The following CLASP1 variants were observed in gnomAD, a reference collection of about 807,000 sequenced individuals.
The protein encoded by CLASP1 is cytoplasmic linker associated protein 1, also known as CLIP-associating protein 1.
Under a neutral mutation model 192.3 loss-of-function variants are expected in CLASP1, and 38 were observed. The observed-to-expected ratio is 0.20, with a 90% CI of 0.15 to 0.26. The LOEUF (loss-of-function observed/expected upper bound fraction) is 0.26. Among genes scored for constraint, CLASP1 ranks in the 10% least tolerant of loss-of-function variants. The pLI is 1.00. For missense variants in CLASP1, 1,433 were observed against 1,932.5 expected (o/e 0.74, Z 4.85); for synonymous variants, 691 against 712.8 (o/e 0.97, Z 0.49).
At chr2:121,531,064 C>CTAG (rs755601859) in intron 2 of CLASP1, 9 of 693,560 alleles carry the variant, frequency 1.3e-5, no homozygotes, top group Non-Finnish European at 2.4e-5. Context: ...CGTAAATAAA[C>CTAG]TAGTACTTTG....
chr2:121,582,765 T>TTTTC (rs140976857), intron 2 of CLASP1, among the ~76,000 whole-genome samples: 1 of 151,640 alleles, frequency 6.6e-6, no homozygotes, highest in African/African-American at 2.4e-5. Flanking sequence ...GGTGTTTTTC[T>TTTTC]TTTCTTTCTT....
intron 2 of CLASP1, among the ~76,000 whole-genome samples, chr2:121,559,584 A>C (rs2058892404): frequency 6.6e-6 from 1 of 152,210 alleles, no homozygotes; most frequent in Non-Finnish European, 1.5e-5. Flanking sequence ...TCAGATACCA[A>C]AGACCACATA....
At chr2:121,451,846 G>C in exon 15 of CLASP1, 2 of 1,562,292 alleles carry the variant, frequency 1.3e-6, no homozygotes, top group Non-Finnish European at 1.7e-6. Context: ...ATTCAAAACA[G>C]CGCCTAAAAA....
intron 19 of CLASP1, among the ~76,000 whole-genome samples, chr2:121,434,780 A>G (rs534737387): frequency 6.6e-6 from 1 of 152,152 alleles, no homozygotes; most frequent in East Asian, 1.9e-4. Flanking sequence ...ACTTGAGGCT[A>G]GGAGTTAGAG....
intron 2 of CLASP1, among the ~76,000 whole-genome samples, chr2:121,531,534 T>G (rs966534019): frequency 7.0e-6 from 1 of 142,896 alleles, no homozygotes; most frequent in African/African-American, 2.7e-5. Context: ...GGGTGGAGCC[T>G]GCAGTGAGCA....
At chr2:121,494,702 T>C (rs1234405697) in intron 8 of CLASP1, among the ~76,000 whole-genome samples, 2 of 152,164 alleles carry the variant, frequency 1.3e-5, no homozygotes, top group Non-Finnish European at 2.9e-5. Flanking sequence ...CCCATAAATA[T>C]ATACAACTGA....
At chr2:121,543,490 T>G (rs2095271682) in intron 2 of CLASP1, among the ~76,000 whole-genome samples, 1 of 152,076 alleles carries the variant, frequency 6.6e-6, no homozygotes, top group Non-Finnish European at 1.5e-5. Context: ...GATCTAAGTT[T>G]CCCATATGGA....
rs975064202 is a variant in CLASP1, at chr2:121,447,083, A to C, written c.1912+254T>G. 3.9e-5 allele frequency among the ~76,000 whole-genome samples: 6 copies of C among 152,194 alleles called. No individual in the cohort carries two copies. In the South Asian group the frequency reaches 1.2e-3, roughly 31 times the overall value. ...GAAGAGTTGAGGAAAGGACGTGCTC[A>C]GTGCCACACACCCTCCGAGCATGAG... On this transcript the variant is annotated intron_variant, in intron 19 of 39. Transcript: ENST00000263710.
rs143049595 is a variant in CLASP1 at position 121,526,635 on chromosome 2, G to A, written c.471-715C>T. Among the ~76,000 whole-genome samples the A allele has an allele frequency of 4.4e-4, 66 of 151,564 alleles. No individual in the cohort carries two copies. In the East Asian group the frequency reaches 8.3e-3, roughly 19 times the overall value. ...ACTGAAAAGGCTAACATATTAAGATGGAAAAAATTTACAAGTAATATAAAC... is the reference window on the plus strand; with the variant it reads ...ACTGAAAAGGCTAACATATTAAGATAGAAAAAATTTACAAGTAATATAAAC... On this transcript the variant is annotated intron_variant, in intron 5 of 39. Transcript: ENST00000263710.
chr2:121,522,514 C>T lies in CLASP1; in HGVS notation c.546+3331G>A, dbSNP rs866434204. On this transcript the variant is annotated intron_variant, in intron 6 of 39. Transcript: ENST00000263710. ...TTAATGAAACATTTTAGACAAGTCT[C>T]ACATTTTCTATCTTATTTTAAAAAA... Among the ~76,000 whole-genome samples, 11 of 152,312 alleles carry T rather than the reference C, an allele frequency of 7.2e-5. No individual in the cohort carries two copies. The South Asian group carries it at 1.2e-3, about 17-fold the overall frequency.
chr2:121,637,815 G>A (rs185140117), intron 1 of CLASP1, among the ~76,000 whole-genome samples: 2 of 152,174 alleles, frequency 1.3e-5, no homozygotes, highest in Admixed American at 1.3e-4. Flanking sequence ...GAACCCAGGA[G>A]GCAGAGGTTG....
exon 9 of CLASP1, chr2:121,469,842 C>A (rs2090350038): frequency 2.5e-6 from 4 of 1,613,362 alleles, no homozygotes; most frequent in Non-Finnish European, 3.4e-6. Context: ...ATGAACCAAG[C>A]CGGCGGGTGG....
chr2:121,371,529 A>G (rs1308760993), intron 34 of CLASP1, among the ~76,000 whole-genome samples: 1 of 151,782 alleles, frequency 6.6e-6, no homozygotes, highest in Non-Finnish European at 1.5e-5. Context: ...GTGAGCCACC[A>G]TAATTGGAAA....
chr2:121,369,649 C>A (rs138904911), intron 34 of CLASP1, among the ~76,000 whole-genome samples: 1 of 152,114 alleles, frequency 6.6e-6, no homozygotes, highest in African/African-American at 2.4e-5. Flanking sequence ...GGTGTGCACG[C>A]TGGCTTCTGT....
intron 8 of CLASP1, among the ~76,000 whole-genome samples, chr2:121,502,091 C>T (rs1433001202): frequency 6.6e-6 from 1 of 152,068 alleles, no homozygotes; most frequent in Non-Finnish European, 1.5e-5. Flanking sequence ...TCTGGAATCA[C>T]AAGAATTACC....
intron 37 of CLASP1, among the ~76,000 whole-genome samples, chr2:121,352,446 G>T (rs1271601893): frequency 6.6e-6 from 1 of 152,214 alleles, no homozygotes; most frequent in Non-Finnish European, 1.5e-5. Flanking sequence ...TTTCCACACA[G>T]GTCACCTGAA....
intron 9 of CLASP1, among the ~76,000 whole-genome samples, chr2:121,465,640 T>G (rs2089403121): frequency 6.6e-6 from 1 of 152,034 alleles, no homozygotes; most frequent in Non-Finnish European, 1.5e-5. Context: ...AAGCTACCAA[T>G]GACTTTCTTC....
chr2:121,570,656 G>T (rs1175721017), intron 2 of CLASP1, among the ~76,000 whole-genome samples: 2 of 152,218 alleles, frequency 1.3e-5, no homozygotes, highest in Non-Finnish European at 2.9e-5. Context: ...TCTACAGTGT[G>T]AAAACTAGAA....
chr2:121,485,681 C>G (rs1016892748), intron 8 of CLASP1, among the ~76,000 whole-genome samples: 2 of 151,924 alleles, frequency 1.3e-5, no homozygotes, highest in Admixed American at 1.3e-4. Flanking sequence ...CTGGCCAACA[C>G]AGTAAAACCC....
Sources: gnomAD v4.1 joint callset for allele counts (sites outside exome capture counted in the v4.1 genomes callset) on GRCh38, gnomAD v4.1.1 for gene constraint, MANE v1.5 for transcripts, NCBI Gene and HGNC (gene_info 2026-07-23, HGNC 2026-07-21) for gene names.